Variants in GABRA4 observed in about 807,000 individuals in gnomAD.
The protein encoded by GABRA4 is gamma-aminobutyric acid receptor subunit alpha-4.
GABRA4 carries 12 observed loss-of-function variants against 49.7 expected under a neutral mutation model. The ratio of observed to expected loss-of-function variants is 0.24; its 90% CI spans 0.15 to 0.39. The LOEUF (loss-of-function observed/expected upper bound fraction) is 0.39. Ranked by LOEUF, GABRA4 falls within the 10% of genes least tolerant of loss-of-function variation. The pLI is 1.00. For missense variants in GABRA4, 506 were observed against 686.0 expected, an observed-to-expected ratio of 0.74 and a Z score of 2.93; for synonymous variants, 288 against 240.2, an observed-to-expected ratio of 1.20 and a Z score of -1.84.
At chr4:46,960,393 T>A (rs781529628) in intron 8 of GABRA4, among the ~76,000 whole-genome samples, 2 of 151,736 alleles carry the variant, frequency 1.3e-5, no homozygotes, top group Non-Finnish European at 2.9e-5. Context: ...AAAGGTTATA[T>A]GTTAAACAGC....
chr4:46,956,560 T>C (rs1374898935), intron 8 of GABRA4, among the ~76,000 whole-genome samples: 4 of 152,016 alleles, frequency 2.6e-5, no homozygotes, highest in Non-Finnish European at 4.4e-5. Flanking sequence ...TTTTGCTTTT[T>C]TTTCCCCCAA....
chr4:46,988,799 G>A (rs1200071118), intron 2 of GABRA4, among the ~76,000 whole-genome samples: 1 of 152,188 alleles, frequency 6.6e-6, no homozygotes, highest in Admixed American at 6.5e-5. Context: ...CAATGAAAGA[G>A]TGCCTCGGAA....
intron 2 of GABRA4, among the ~76,000 whole-genome samples, chr4:46,991,947 G>GTACT (rs1723762212): frequency 6.6e-6 from 1 of 152,206 alleles, no homozygotes; most frequent in Non-Finnish European, 1.5e-5. Flanking sequence ...TTAGTGCAGT[G>GTACT]TACTGTAAAA....
At chr4:46,957,780 A>G (rs917312781) in intron 8 of GABRA4, among the ~76,000 whole-genome samples, 1 of 151,964 alleles carries the variant, frequency 6.6e-6, no homozygotes, top group African/African-American at 2.4e-5. Flanking sequence ...CACTTACTAG[A>G]TAGGTGACCT....
rs772465584 is a variant in GABRA4 at position 46,928,547 on chromosome 4, G to T, written c.1343C>A (p.Ala448Glu). 1 of 1,613,554 alleles carries T rather than the reference G, an allele frequency of 6.2e-7. No homozygotes were observed. Among genetic ancestry groups the T allele is most frequent in the Admixed American group, 1.7e-5 (1 of 59,906 alleles). The change falls in exon 9 of 9, where the codon GCA (alanine) becomes GAA (glutamate). Residue 448 changes from alanine (A) to glutamate (E), a missense_variant. This residue lies in a region of GABRA4 where 243 missense variants were observed against 210.8 expected (regional missense o/e 1.15). Transcript: ENST00000264318. ...RANAAETISA[A>E]RALPSASPTS... Reference sequence around the variant, plus strand: ...AGGAGAAGCAGATGGAAGTGCTCTTGCTGCAGATATGGTTTCAGCTGCATT... The same window carrying T: ...AGGAGAAGCAGATGGAAGTGCTCTTTCTGCAGATATGGTTTCAGCTGCATT...
intron 2 of GABRA4, among the ~76,000 whole-genome samples, chr4:46,987,008 T>C (rs898137435): frequency 1.1e-4 from 17 of 152,178 alleles, no homozygotes; most frequent in African/African-American, 4.1e-4. Flanking sequence ...TTGCTGCATC[T>C]GCCCTTGCCT....
intron 7 of GABRA4, among the ~76,000 whole-genome samples, chr4:46,969,892 A>G (rs1722889600): frequency 1.3e-5 from 2 of 151,380 alleles, no homozygotes; most frequent in Non-Finnish European, 3.0e-5. Context: ...TTGAACCCTT[A>G]TAACTCTTTA....
intron 2 of GABRA4, among the ~76,000 whole-genome samples, chr4:46,985,827 T>G (rs1026208423): frequency 6.6e-6 from 1 of 152,060 alleles, no homozygotes; most frequent in Admixed American, 6.6e-5. Context: ...AGTTGCACTC[T>G]GAATTCAAAC....
rs573467319 is a variant in GABRA4 at position 46,982,345 on chromosome 4, A to G, written c.206-3247T>C. On this transcript the variant is annotated intron_variant, in intron 2 of 8. Coordinates refer to ENST00000264318, the MANE Select transcript of GABRA4 (RefSeq NM_000809.4). ...CTAGGGCGGGCCCTAATCTAATATC[A>G]CTGTGACCATATCAGAAGTGTAGAT... 1.9e-3 allele frequency among the ~76,000 whole-genome samples: 296 copies of G among 152,096 alleles called. 2 individuals carry two copies. The highest frequency in any genetic ancestry group is 7.0e-3 in the African/African-American group (290 of 41,514).
At chr4:46,987,316 G>A (rs1224435644) in intron 2 of GABRA4, among the ~76,000 whole-genome samples, 1 of 151,984 alleles carries the variant, frequency 6.6e-6, no homozygotes, top group African/African-American at 2.4e-5. Flanking sequence ...ACTGAATTAC[G>A]ACCAGTATTC....
chr4:46,971,316 A>G (rs1304045652), intron 6 of GABRA4, 81 bp from the exon 7 acceptor site: 1 of 1,265,888 alleles, frequency 7.9e-7, no homozygotes, highest in East Asian at 2.3e-5. Context: ...TTTCAGACTA[A>G]CAAACAGGAT....
At chr4:46,974,159 A>G in intron 6 of GABRA4, 73 bp downstream of exon 6, 1 of 1,460,040 alleles carries the variant, frequency 6.8e-7, no homozygotes, top group African/African-American at 1.4e-5. Context: ...TAACTATTTC[A>G]ATGAAAAAGT....
intron 6 of GABRA4, among the ~76,000 whole-genome samples, chr4:46,971,927 C>G (rs1262814515): frequency 6.6e-6 from 1 of 150,548 alleles, no homozygotes; most frequent in Non-Finnish European, 1.5e-5. Context: ...CTAATAAGTA[C>G]AATAAACCAT....
At chr4:46,949,883 G>A (rs1450584221) in intron 8 of GABRA4, among the ~76,000 whole-genome samples, 1 of 151,906 alleles carries the variant, frequency 6.6e-6, no homozygotes, top group Non-Finnish European at 1.5e-5. Flanking sequence ...ATAACAAATA[G>A]GATTCACCAT....
At chr4:46,992,136 A>G (rs1723772291) in intron 2 of GABRA4, among the ~76,000 whole-genome samples, 1 of 152,194 alleles carries the variant, frequency 6.6e-6, no homozygotes, top group Non-Finnish European at 1.5e-5. Context: ...TATATATGCA[A>G]AGGAAATATG....
In GABRA4 at chr4:46,924,253, C is replaced by T. The variant is rs1020728813; in HGVS notation, c.*3972G>A. ...TTATTTAAAATTTGTATATTCTGTT[C>T]ATCATAAATCTTTTGCATTAATTTT... is the stretch of plus-strand genomic sequence containing the variant. On this transcript the variant is annotated 3_prime_UTR_variant, in exon 9 of 9. Transcript: ENST00000264318. 3 of 152,020 alleles carry T rather than the reference C, an allele frequency of 2.0e-5. No individual in the cohort carries two copies. The highest frequency in any genetic ancestry group is 7.2e-5 in the African/African-American group (3 of 41,404). The allele number at this position is 152,020 out of a possible 1,614,324, so 9.4% of individuals were successfully genotyped here.
At chr4:46,974,173 G>A in intron 6 of GABRA4, 59 bp downstream of exon 6, 1 of 1,518,314 alleles carries the variant, frequency 6.6e-7, no homozygotes, top group Non-Finnish European at 8.9e-7. Flanking sequence ...AAAAAGTCAG[G>A]AGAAAACTTT....
rs1577740527 is a variant in GABRA4, at chr4:46,928,815, T to C, written c.1135-60A>G. 5.3e-6 allele frequency: 6 copies of C among 1,127,416 alleles called. No homozygotes were observed. The East Asian group carries it at 1.2e-4, about 23-fold the overall frequency. 69.8% of individuals were successfully genotyped at this position (1,127,416 alleles called of 1,614,324 possible). A position where few individuals can be genotyped will look rare whatever the true frequency, so the allele number is the denominator to read the frequency against. On this transcript the variant is annotated intron_variant, in intron 8 of 8. Transcript: ENST00000264318. The stretch of plus-strand genomic sequence containing the variant: ...TAACTTTATGCAGATTTGTACAAAA[T>C]TTAAAGGGATCAAAATTCTTAAAAT...
At chr4:46,940,206 T>C (rs571256225) in intron 8 of GABRA4, among the ~76,000 whole-genome samples, 1 of 152,242 alleles carries the variant, frequency 6.6e-6, no homozygotes, top group Non-Finnish European at 1.5e-5. Context: ...GAAATTTGGA[T>C]ATAGCACTTT....
Sources: gnomAD v4.1 joint callset for allele counts (sites outside exome capture counted in the v4.1 genomes callset) on GRCh38, gnomAD v4.1.1 for gene constraint, gnomAD v4.1.1 regional missense constraint, MANE v1.5 for transcripts, NCBI Gene and HGNC (gene_info 2026-07-23, HGNC 2026-07-21) for gene names.